TRAF6: variants seen among roughly 807,000 people sequenced by gnomAD.
The protein encoded by TRAF6 is TNF receptor associated factor 6, also known as TNF receptor-associated factor 6.
A neutral mutation model predicts 48.4 loss-of-function variants in TRAF6; 10 were observed. The ratio of observed to expected loss-of-function variants is 0.21; its 90% CI spans 0.13 to 0.35. TRAF6 has a LOEUF of 0.35. Among genes scored for constraint, TRAF6 ranks in the 10% least tolerant of loss-of-function variants. TRAF6 has a pLI of 1.00. For synonymous variants in TRAF6, 186 were observed against 219.6 expected, an observed-to-expected ratio of 0.85 and a Z score of 1.35; for missense variants, 397 against 661.0, an observed-to-expected ratio of 0.60 and a Z score of 4.38.
At chr11:36,508,470 G>A (rs536378573) in intron 1 of TRAF6, among the ~76,000 whole-genome samples, 8 of 152,036 alleles carry the variant, frequency 5.3e-5, no homozygotes, top group African/African-American at 1.7e-4. Context: ...CTTGGGGGAG[G>A]GGGAAGTAGG....
chr11:36,494,732 A>G (rs1022766828), intron 5 of TRAF6, among the ~76,000 whole-genome samples: 3 of 152,080 alleles, frequency 2.0e-5, no homozygotes, highest in Admixed American at 2.0e-4. Flanking sequence ...TTTTATGAAT[A>G]TACAAAAGCA....
chr11:36,509,527 G>A (rs941562912), intron 1 of TRAF6, among the ~76,000 whole-genome samples: 1 of 152,094 alleles, frequency 6.6e-6, no homozygotes, highest in African/African-American at 2.4e-5. Context: ...CGCCAGGAAC[G>A]TAAAGGATTT....
chr11:36,493,298 C>G (rs999774278), intron 5 of TRAF6, among the ~76,000 whole-genome samples: 6 of 152,102 alleles, frequency 3.9e-5, no homozygotes, highest in Admixed American at 1.3e-4. Context: ...TTTAATGTAG[C>G]TATAGTTGTA....
chr11:36,509,818 G>T (rs1859878547), intron 1 of TRAF6, among the ~76,000 whole-genome samples: 1 of 151,514 alleles, frequency 6.6e-6, no homozygotes, highest in Non-Finnish European at 1.5e-5. Context: ...CCAGCGGGAA[G>T]CGAGAGGACA....
At chr11:36,491,395 T>G (rs1404084270) in intron 6 of TRAF6, among the ~76,000 whole-genome samples, 10 of 152,204 alleles carry the variant, frequency 6.6e-5, no homozygotes, top group Non-Finnish European at 4.4e-5. Flanking sequence ...TAACTTCCAT[T>G]AACATTTTAT....
At position 36,489,707 on chromosome 11, in the gene TRAF6, A is replaced by C; in HGVS notation, c.*131T>G. The C allele has an allele frequency of 1.0e-6, 1 of 985,012 alleles. No individual in the cohort carries two copies. The highest frequency in any genetic ancestry group is 1.5e-6 in the Non-Finnish European group (1 of 654,798). The allele number at this position is 985,012 out of a possible 1,614,324, so 61.0% of individuals were successfully genotyped here. On this transcript the variant is annotated 3_prime_UTR_variant, in exon 7 of 7. Transcript: ENST00000526995. ...TTGTAACAGGAAGAAATAGTAAGTG[A>C]CCTCTCTAACAACACTCACTAGTAG... is the stretch of plus-strand genomic sequence containing the variant.
intron 5 of TRAF6, among the ~76,000 whole-genome samples, chr11:36,494,544 C>T (rs2133668447): frequency 6.6e-6 from 1 of 152,262 alleles, no homozygotes; most frequent in Middle Eastern, 3.4e-3. Flanking sequence ...TCCTACTGAA[C>T]AGAACTGCCT....
Position 36,501,568 on chromosome 11 carries a change from A to G in TRAF6, c.-22-31T>C, listed in dbSNP as rs1859717036. 7.4e-6 allele frequency: 11 copies of G among 1,496,120 alleles called. No homozygotes were observed. In the South Asian group the frequency reaches 1.0e-4, roughly 14 times the overall value. 92.7% of individuals were successfully genotyped at this position (1,496,120 alleles called of 1,614,324 possible). On this transcript the variant is annotated intron_variant, in intron 1 of 6. Coordinates refer to ENST00000526995, the MANE Select transcript of TRAF6 (RefSeq NM_004620.4). ...GAAATAGCAAGAAAAAAATGCCTTT[A>G]TAAGTAACACACACACTCACACCCC...
chr11:36,502,091 A>C (rs1410498087), intron 1 of TRAF6, among the ~76,000 whole-genome samples: 1 of 152,206 alleles, frequency 6.6e-6, no homozygotes, highest in African/African-American at 2.4e-5. Flanking sequence ...GTACGCAAGG[A>C]ATCAGGTGAT....
chr11:36,509,618 C>T (rs1386660777), intron 1 of TRAF6, among the ~76,000 whole-genome samples: 2 of 152,098 alleles, frequency 1.3e-5, no homozygotes, highest in African/African-American at 2.4e-5. Flanking sequence ...GGGGAAAAAG[C>T]GGAGTTGAGG....
rs146188688 is a variant in TRAF6 at position 36,498,332 on chromosome 11, A to G, written c.447+158T>C. ...ATTTCTGGTTTCTACTTACATTTAT[A>G]TTCAATAATTAAAGGGTTGGCATTA... On this transcript the variant is annotated intron_variant, in intron 3 of 6. Transcript: ENST00000526995. Among the ~76,000 whole-genome samples the G allele has an allele frequency of 2.3e-3, 347 of 152,362 alleles. 3 individuals are homozygous for G. The highest frequency in any genetic ancestry group is 0.017 in the East Asian group (87 of 5,188).
At chr11:36,500,075 G>A (rs1389198966) in intron 2 of TRAF6, among the ~76,000 whole-genome samples, 2 of 152,072 alleles carry the variant, frequency 1.3e-5, no homozygotes, top group East Asian at 3.9e-4. Context: ...CCAGAACTTG[G>A]GAAAAATCAA....
chr11:36,489,796 C>A lies in TRAF6; in HGVS notation c.*42G>T. On this transcript the variant is annotated 3_prime_UTR_variant, in exon 7 of 7. Transcript: ENST00000526995. ...ATTGAGAACAGGGCAAGGAAAGGCA[C>A]TGTTTTCTCCAGGTAGTTGTTTTTG... 1 of 1,568,992 alleles carries A rather than the reference C, an allele frequency of 6.4e-7. No homozygotes were observed. Among genetic ancestry groups the A allele is most frequent in the Non-Finnish European group, 8.7e-7 (1 of 1,155,160 alleles).
chr11:36,502,477 G>GA (rs1302865537), intron 1 of TRAF6, among the ~76,000 whole-genome samples: 1 of 151,836 alleles, frequency 6.6e-6, no homozygotes, highest in African/African-American at 2.4e-5. Flanking sequence ...AATTACTTTT[G>GA]AAAAAAATTT....
chr11:36,508,459 T>A (rs951467054), intron 1 of TRAF6, among the ~76,000 whole-genome samples: 3 of 152,064 alleles, frequency 2.0e-5, no homozygotes, highest in Non-Finnish European at 4.4e-5. Flanking sequence ...CTGTAACATG[T>A]CTTGGGGGAG....
chr11:36,498,990 T>A (rs930447203), intron 2 of TRAF6, among the ~76,000 whole-genome samples: 42 of 152,216 alleles, frequency 2.8e-4, no homozygotes, highest in Non-Finnish European at 7.3e-5. Flanking sequence ...CTCTGTGTTG[T>A]CACACCTATA....
At position 36,488,904 on chromosome 11, in the gene TRAF6, G is replaced by A. The variant is rs760384582; in HGVS notation, c.*934C>T. The A allele has an allele frequency of 5.9e-5, 9 of 152,216 alleles. No individual in the cohort carries two copies. Among genetic ancestry groups the A allele is most frequent in the Non-Finnish European group, 1.2e-4 (8 of 68,028 alleles). The allele number at this position is 152,216 out of a possible 1,614,324, so 9.4% of individuals were successfully genotyped here. A position where few individuals can be genotyped will look rare whatever the true frequency, so the allele number is the denominator to read the frequency against. Reference sequence around the variant, plus strand: ...AAAACTTCTGGCTCACATAGCTTCTGTCACCACCAATGAGATGCCACATGC... The same window carrying A: ...AAAACTTCTGGCTCACATAGCTTCTATCACCACCAATGAGATGCCACATGC... On this transcript the variant is annotated 3_prime_UTR_variant, in exon 7 of 7. Coordinates refer to ENST00000526995, the MANE Select transcript of TRAF6 (RefSeq NM_004620.4).
intron 4 of TRAF6, among the ~76,000 whole-genome samples, chr11:36,495,779 C>T (rs1203958723): frequency 1.3e-5 from 2 of 152,068 alleles, no homozygotes; most frequent in Non-Finnish European, 2.9e-5. Context: ...GTAATCCCAG[C>T]TACTTGGGAG....
intron 5 of TRAF6, among the ~76,000 whole-genome samples, chr11:36,494,160 T>C (rs1167806710): frequency 6.6e-6 from 1 of 151,874 alleles, no homozygotes; most frequent in African/African-American, 2.4e-5. Context: ...AGCTCAGGAG[T>C]TCGAGACCAG....
Sources: gnomAD v4.1 joint callset for allele counts (sites outside exome capture counted in the v4.1 genomes callset) on GRCh38, gnomAD v4.1.1 for gene constraint, MANE v1.5 for transcripts, NCBI Gene and HGNC (gene_info 2026-07-23, HGNC 2026-07-21) for gene names.